The following CXADR variants were observed in gnomAD, a reference collection of about 807,000 sequenced individuals.
The protein encoded by CXADR is CXADR cell adhesion molecule.
A neutral mutation model predicts 40.3 loss-of-function variants in CXADR; 20 were observed. That is an observed-to-expected ratio of 0.50 (90% CI 0.35 to 0.72). The LOEUF is 0.72. Ranked by LOEUF, CXADR falls within the 30% of genes least tolerant of loss-of-function variation. The pLI is 0.01. For missense variants in CXADR, 332 were observed against 449.1 expected, an observed-to-expected ratio of 0.74 and a Z score of 2.36; for synonymous variants, 150 against 161.3, an observed-to-expected ratio of 0.93 and a Z score of 0.53.
At chr21:17,555,154 T>C (rs1319844413) in intron 3 of CXADR, among the ~76,000 whole-genome samples, 2 of 152,194 alleles carry the variant, frequency 1.3e-5, no homozygotes, top group African/African-American at 4.8e-5. Flanking sequence ...CCCCTGGAGC[T>C]CTGGAAGGGC....
intron 1 of CXADR, among the ~76,000 whole-genome samples, chr21:17,525,028 A>AT (rs1357326905): frequency 6.6e-6 from 1 of 152,206 alleles, no homozygotes; most frequent in East Asian, 1.9e-4. Flanking sequence ...TGATCTATTG[A>AT]TAAAAAAAGG....
the CXADR span, among the ~76,000 whole-genome samples, chr21:17,634,713 C>G: frequency 6.6e-6 from 1 of 152,126 alleles, no homozygotes; most frequent in East Asian, 1.9e-4. Flanking sequence ...TAGAGATGTG[C>G]TAAATGTCTT....
chr21:17,575,360 T>C (rs2061313762), intron 7 of CXADR, among the ~76,000 whole-genome samples: 1 of 150,324 alleles, frequency 6.7e-6, no homozygotes, highest in African/African-American at 2.5e-5. Context: ...TTTTTTGATT[T>C]TTGGTAGAGA....
At chr21:17,521,820 T>C (rs1034895395) in intron 1 of CXADR, among the ~76,000 whole-genome samples, 2 of 152,212 alleles carry the variant, frequency 1.3e-5, no homozygotes, top group Non-Finnish European at 2.9e-5. Flanking sequence ...GCCTACAATC[T>C]TGTCCACATC....
At chr21:17,572,679 G>A (rs2061288082), downstream of CXADR, among the ~76,000 whole-genome samples, 1 of 151,950 alleles carries the variant, frequency 6.6e-6, no homozygotes, top group Non-Finnish European at 1.5e-5. Flanking sequence ...GCAGATGACT[G>A]ATTTCCATGC....
rs149312041 is a variant in CXADR at position 17,566,662 on chromosome 21, ATGT to A, written c.*981_*983del. 2.1e-3 allele frequency: 2,076 copies of A among 984,614 alleles called. 115 individuals carry two copies. The East Asian group carries it at 0.15, about 73-fold the overall frequency. The allele number at this position is 984,614 out of a possible 1,614,324, so 61.0% of individuals were successfully genotyped here. On this transcript the variant is annotated 3_prime_UTR_variant, in exon 7 of 7. Transcript: ENST00000284878. ...AGTGGTTCTTTGGTTCCAGTGCTTT[ATGT>A]TGTTGTTGTTTTTGGATGGTGTTAC...
the CXADR span, chr21:17,605,054 T>C: frequency 6.4e-7 from 1 of 1,570,402 alleles, no homozygotes; most frequent in Non-Finnish European, 8.7e-7. Context: ...ATAAACGCCG[T>C]AATATCTATT....
chr21:17,566,629 A>T lies in CXADR; in HGVS notation c.*937A>T. ...AGATTGAAATTTCCTAATTTATTCT[A>T]AATTTTAAGTGGTTCTTTGGTTCCA... On this transcript the variant is annotated 3_prime_UTR_variant, in exon 7 of 7. Coordinates refer to ENST00000284878, the MANE Select transcript of CXADR (RefSeq NM_001338.5). The T allele has an allele frequency of 2.0e-6, 2 of 984,578 alleles. No homozygotes were observed. Among genetic ancestry groups the T allele is most frequent in the Non-Finnish European group, 2.4e-6 (2 of 829,200 alleles). The allele number at this position is 984,578 out of a possible 1,614,324, so 61.0% of individuals were successfully genotyped here.
At chr21:17,533,256 G>T (rs991068166) in intron 1 of CXADR, among the ~76,000 whole-genome samples, 1 of 151,986 alleles carries the variant, frequency 6.6e-6, no homozygotes, top group Admixed American at 6.5e-5. Flanking sequence ...TTATTTTTCT[G>T]TTTTTCCAAA....
chr21:17,583,863 G>A (rs376324975), intron 7 of CXADR, among the ~76,000 whole-genome samples: 5 of 152,150 alleles, frequency 3.3e-5, no homozygotes, highest in African/African-American at 1.2e-4. Flanking sequence ...TCCCATCTCT[G>A]TTAAAATTAG....
At chr21:17,575,779 T>G (rs1371776460) in intron 7 of CXADR, among the ~76,000 whole-genome samples, 1 of 150,128 alleles carries the variant, frequency 6.7e-6, no homozygotes, top group Admixed American at 6.6e-5. Flanking sequence ...TTTGTAAAAT[T>G]TTTAAAGTTA....
At chr21:17,590,108 T>G (rs1029870493) in intron 7 of CXADR, among the ~76,000 whole-genome samples, 3 of 152,084 alleles carry the variant, frequency 2.0e-5, no homozygotes, top group Non-Finnish European at 4.4e-5. Flanking sequence ...TAAACATTTT[T>G]TAGCCATGGC....
intron 3 of CXADR, among the ~76,000 whole-genome samples, chr21:17,554,761 A>T (rs2061012610): frequency 6.6e-6 from 1 of 152,232 alleles, no homozygotes; most frequent in Non-Finnish European, 1.5e-5. Flanking sequence ...GGGGCAAAAG[A>T]TAAGATGAAG....
At chr21:17,604,457 GGAGA>G in the CXADR span, among the ~76,000 whole-genome samples, 1 of 152,074 alleles carries the variant, frequency 6.6e-6, no homozygotes, top group Non-Finnish European at 1.5e-5. Flanking sequence ...AAAAAAAAGA[GGAGA>G]GAGGGAGAAT....
At chr21:17,581,675 A>G (rs1331367208) in intron 7 of CXADR, among the ~76,000 whole-genome samples, 2 of 151,772 alleles carry the variant, frequency 1.3e-5, no homozygotes, top group African/African-American at 4.8e-5. Context: ...TTGAGACCCT[A>G]TCTCCACAAA....
Position 17,559,554 on chromosome 21 carries a change from C to G in CXADR, c.571+423C>G, listed in dbSNP as rs917042609. On this transcript the variant is annotated intron_variant, in intron 4 of 6. Transcript: ENST00000284878. Reference sequence around the variant, plus strand: ...TTCTACATAGAATAATCAGGATTTCCATAGGAATTATTCAGTGTTTTATAA... The same window carrying G: ...TTCTACATAGAATAATCAGGATTTCGATAGGAATTATTCAGTGTTTTATAA... Among the ~76,000 whole-genome samples, 16 of 151,870 alleles carry G rather than the reference C, an allele frequency of 1.1e-4. No individual in the cohort carries two copies. In the South Asian group the frequency reaches 3.1e-3, roughly 30 times the overall value.
At chr21:17,594,351 A>T (rs1181756508), downstream of CXADR, 57 of 1,598,760 alleles carry the variant, frequency 3.6e-5, no homozygotes, top group Non-Finnish European at 4.6e-5. Context: ...AAGAGAACAC[A>T]TTAAGTTAAT....
intron 7 of CXADR, among the ~76,000 whole-genome samples, chr21:17,590,525 G>A (rs1307996052): frequency 6.6e-6 from 1 of 152,056 alleles, no homozygotes; most frequent in African/African-American, 2.4e-5. Context: ...GGAATTGCAT[G>A]AGCCTTCCCT....
chr21:17,607,371 A>G, the CXADR span, among the ~76,000 whole-genome samples: 1 of 152,126 alleles, frequency 6.6e-6, no homozygotes, highest in Non-Finnish European at 1.5e-5. Flanking sequence ...TGTTCACTCT[A>G]TTGGAAATGA....
Sources: allele counts gnomAD v4.1 joint callset (sites outside exome capture counted in the v4.1 genomes callset), GRCh38; gene constraint gnomAD v4.1.1; transcripts MANE v1.5; gene names NCBI Gene and HGNC (gene_info 2026-07-23, HGNC 2026-07-21).